The following PLXNA4 variants were observed in gnomAD, a reference collection of about 807,000 sequenced individuals.
The protein encoded by PLXNA4 is plexin-A4.
In PLXNA4, 44 loss-of-function variants were observed where a neutral mutation model predicts 191.8. The observed-to-expected ratio is 0.23, with a 90% CI of 0.18 to 0.29. The LOEUF (loss-of-function observed/expected upper bound fraction) is 0.29, where lower values mean the gene tolerates loss of function less well. Among genes scored for constraint, PLXNA4 ranks in the 10% least tolerant of loss-of-function variants. The probability of loss-of-function intolerance (pLI) is 1.00; values close to 1 mark genes in which losing one functional copy is unlikely to be tolerated. For missense variants in PLXNA4, 1,800 were observed against 2,488.8 expected (o/e 0.72, Z 5.89); for synonymous variants, 1,082 against 1,009.5 (o/e 1.07, Z -1.36).
Position 132,427,720 on chromosome 7 carries a change from T to C in PLXNA4, c.1371+61572A>G, listed in dbSNP as rs1795101941. On this transcript the variant is annotated intron_variant, in intron 3 of 31. Transcript: ENST00000321063. The stretch of plus-strand genomic sequence containing the variant: ...CTGTGATCTTGGAGAGTCTGGTTCT[T>C]GGGAAGGGGCTCTGACTTACCCTAT... Among the ~76,000 whole-genome samples, 9 of 152,302 alleles carry C rather than the reference T, an allele frequency of 5.9e-5. No homozygotes were observed. In the South Asian group the frequency reaches 1.9e-3, roughly 32 times the overall value.
At chr7:132,361,854 A>G (rs191115202) in intron 3 of PLXNA4, among the ~76,000 whole-genome samples, 40 of 152,318 alleles carry the variant, frequency 2.6e-4, no homozygotes, top group African/African-American at 8.9e-4. Context: ...CGTGCGTGAA[A>G]AAAAGTTCTA....
chr7:132,557,756 T>C (rs1210691281), intron 1 of PLXNA4, among the ~76,000 whole-genome samples: 2 of 152,090 alleles, frequency 1.3e-5, no homozygotes, highest in African/African-American at 2.4e-5. Context: ...AAAATGATAA[T>C]TGTATGGAAG....
intron 3 of PLXNA4, among the ~76,000 whole-genome samples, chr7:132,393,352 A>G (rs1440465084): frequency 6.6e-6 from 1 of 151,840 alleles, no homozygotes; most frequent in Non-Finnish European, 1.5e-5. Context: ...GTGAATGGGT[A>G]CCTTGATCAT....
At chr7:132,563,185 TTCCTCCTCCTCC>T (rs147356182) in intron 1 of PLXNA4, among the ~76,000 whole-genome samples, 25 of 30,040 alleles carry the variant, frequency 8.3e-4, no homozygotes, top group African/African-American at 2.8e-3. Context: ...CTCCTTCTCC[TTCCTCCTCCTCC>T]TCTTCCTCCT....
At position 132,358,068 on chromosome 7, in the gene PLXNA4, G is replaced by C. The variant is rs566711065; in HGVS notation, c.1372-59846C>G. On this transcript the variant is annotated intron_variant, in intron 3 of 31. Coordinates refer to ENST00000321063, the MANE Select transcript of PLXNA4 (RefSeq NM_020911.2). Reference sequence around the variant, plus strand: ...AATGGAGATGAGGATTTGTGAACAAGATTCAAATTCCACTGCCACCACTAA... The same window carrying C: ...AATGGAGATGAGGATTTGTGAACAACATTCAAATTCCACTGCCACCACTAA... Among the ~76,000 whole-genome samples, 5 of 152,332 alleles carry C rather than the reference G, an allele frequency of 3.3e-5. No individual in the cohort carries two copies. The South Asian group carries it at 1.0e-3, about 32-fold the overall frequency.
Position 132,576,327 on chromosome 7 carries a change from G to T in PLXNA4, c.-87+95C>A. 2 of 912,206 alleles carry T rather than the reference G, an allele frequency of 2.2e-6. No homozygotes were observed. Among genetic ancestry groups the T allele is most frequent in the Non-Finnish European group, 2.6e-6 (2 of 763,252 alleles). The allele number at this position is 912,206 out of a possible 1,614,324, so 56.5% of individuals were successfully genotyped here. On this transcript the variant is annotated intron_variant, in intron 1 of 31. Transcript: ENST00000321063. The surrounding 1 kb of genome is among the most constrained non-coding windows in gnomAD (Gnocchi z 5.8). ...TGTGCGTGTGCCGCGGGCTGGCTCC[G>T]GGACACTGAGGACTCCCGGGTCGGC...
chr7:132,296,817 G>A (rs1242517324), intron 4 of PLXNA4, among the ~76,000 whole-genome samples: 1 of 151,982 alleles, frequency 6.6e-6, no homozygotes, highest in Non-Finnish European at 1.5e-5. Flanking sequence ...GAAGCCTCGT[G>A]CCCAGCTGCA....
intron 1 of PLXNA4, among the ~76,000 whole-genome samples, chr7:132,562,874 CCT>C (rs1801309189): frequency 1.6e-5 from 2 of 126,728 alleles, no homozygotes; most frequent in Non-Finnish European, 1.6e-5. Flanking sequence ...TTCTCCTCCT[CCT>C]CTTCTTTCTC....
At chr7:132,550,855 C>T (rs536290845) in intron 1 of PLXNA4, among the ~76,000 whole-genome samples, 1 of 152,202 alleles carries the variant, frequency 6.6e-6, no homozygotes, top group Admixed American at 6.5e-5. Context: ...TCCCTGACCT[C>T]CTGGCCACTC....
At chr7:132,187,914 T>C (rs1316657105) in intron 14 of PLXNA4, among the ~76,000 whole-genome samples, 3 of 152,094 alleles carry the variant, frequency 2.0e-5, no homozygotes, top group Non-Finnish European at 4.4e-5. Flanking sequence ...TACACATACA[T>C]ATATATAATT....
chr7:132,205,298 A>G (rs574795172), intron 10 of PLXNA4, among the ~76,000 whole-genome samples: 2 of 152,270 alleles, frequency 1.3e-5, no homozygotes, highest in East Asian at 3.9e-4. Flanking sequence ...GCCTACTAAA[A>G]TGCAGATTCC....
At chr7:132,605,179 T>C (rs945957685) in intron 2 of PLXNA4, among the ~76,000 whole-genome samples, 7 of 152,202 alleles carry the variant, frequency 4.6e-5, no homozygotes, top group African/African-American at 1.7e-4. Context: ...ATGGGGAAGA[T>C]AAGTCATTTT....
chr7:132,537,442 C>T (rs180961752), intron 1 of PLXNA4, among the ~76,000 whole-genome samples: 3 of 152,348 alleles, frequency 2.0e-5, no homozygotes, highest in East Asian at 3.9e-4. Flanking sequence ...TAGGAAGAAG[C>T]CTTAATCCTC....
intron 12 of PLXNA4, among the ~76,000 whole-genome samples, chr7:132,198,991 T>C (rs891374861): frequency 1.3e-5 from 2 of 152,032 alleles, no homozygotes; most frequent in African/African-American, 4.8e-5. Flanking sequence ...TCAAGGAAAA[T>C]AAAAACCCCT....
intron 2 of PLXNA4, among the ~76,000 whole-genome samples, chr7:132,624,412 G>C (rs1435470599): frequency 6.6e-6 from 1 of 152,164 alleles, no homozygotes; most frequent in Non-Finnish European, 1.5e-5. Context: ...ACTGAGAAAG[G>C]TGATCCTTTC....
chr7:132,434,298 T>C (rs1429983736), intron 3 of PLXNA4, among the ~76,000 whole-genome samples: 2 of 152,162 alleles, frequency 1.3e-5, no homozygotes, highest in African/African-American at 4.8e-5. Context: ...GCCACCGTAG[T>C]GTACCCACAT....
At chr7:132,446,137 A>G (rs1416010937) in intron 3 of PLXNA4, among the ~76,000 whole-genome samples, 1 of 152,218 alleles carries the variant, frequency 6.6e-6, no homozygotes, top group Non-Finnish European at 1.5e-5. Context: ...TCCCTGAGCT[A>G]CACGTGGATA....
chr7:132,586,622 G>T (rs1036457800), intron 2 of PLXNA4, among the ~76,000 whole-genome samples: 1 of 152,148 alleles, frequency 6.6e-6, no homozygotes, highest in Non-Finnish European at 1.5e-5. Flanking sequence ...GCATCGTGGT[G>T]GGCACCTGTA....
At chr7:132,426,944 A>G (rs1297228419) in intron 3 of PLXNA4, among the ~76,000 whole-genome samples, 1 of 152,184 alleles carries the variant, frequency 6.6e-6, no homozygotes, top group Admixed American at 6.5e-5. Context: ...AGAGTCCTAG[A>G]GTCCCACAGG....
Sources: allele counts gnomAD v4.1 joint callset (sites outside exome capture counted in the v4.1 genomes callset), GRCh38; gene constraint gnomAD v4.1.1; non-coding constraint Gnocchi (gnomAD v3.1); transcripts MANE v1.5; gene names NCBI Gene and HGNC (gene_info 2026-07-23, HGNC 2026-07-21).